MECOM: variants seen among roughly 807,000 people sequenced by gnomAD.
MECOM encodes the protein MDS1 and EVI1 complex locus, also known as histone-lysine N-methyltransferase MECOM.
MECOM carries 13 observed loss-of-function variants against 116.3 expected under a neutral mutation model. That is an observed-to-expected ratio of 0.11 (90% CI 0.07 to 0.18). The LOEUF is 0.18. Among genes scored for constraint, MECOM ranks in the 10% least tolerant of loss-of-function variants. MECOM has a pLI of 1.00. For missense variants in MECOM, 1,299 were observed against 1,509.0 expected (o/e 0.86, Z 2.31); for synonymous variants, 528 against 535.2 (o/e 0.99, Z 0.19).
intron 2 of MECOM, among the ~76,000 whole-genome samples, chr3:169,242,647 C>A (rs1414345037): frequency 6.6e-6 from 1 of 151,950 alleles, no homozygotes; most frequent in Non-Finnish European, 1.5e-5. Context: ...TACTGATTGA[C>A]GAAACCAAGA....
At chr3:169,466,613 C>T (rs1185365939) in intron 1 of MECOM, among the ~76,000 whole-genome samples, 1 of 152,042 alleles carries the variant, frequency 6.6e-6, no homozygotes, top group African/African-American at 2.4e-5. Flanking sequence ...TTGGTGATTC[C>T]ACTCTTTTTT....
intron 12 of MECOM, among the ~76,000 whole-genome samples, chr3:169,099,737 ATTAC>A (rs1722914727): frequency 1.3e-5 from 2 of 152,318 alleles, no homozygotes; most frequent in African/African-American, 4.8e-5. Flanking sequence ...ACATTATGAT[ATTAC>A]TTAAGTTGTA....
At chr3:169,103,595 A>C (rs1342433693) in intron 10 of MECOM, among the ~76,000 whole-genome samples, 2 of 152,204 alleles carry the variant, frequency 1.3e-5, no homozygotes, top group African/African-American at 4.8e-5. Context: ...AAATTCAAAC[A>C]ACTGGTCAAC....
At chr3:169,270,671 T>C (rs1457164741) in intron 2 of MECOM, among the ~76,000 whole-genome samples, 1 of 152,178 alleles carries the variant, frequency 6.6e-6, no homozygotes, top group African/African-American at 2.4e-5. Flanking sequence ...CTACATTCAG[T>C]AGGGTTTTTG....
intron 1 of MECOM, among the ~76,000 whole-genome samples, chr3:169,413,771 GAGGTTTCGATTGGGCACAGCCCACCTC>G (rs1392171053): frequency 6.6e-6 from 1 of 152,172 alleles, no homozygotes; most frequent in Non-Finnish European, 1.5e-5. Flanking sequence ...AAGCCACCAG[GAGGTTTCGATTGGGCACAGCCCACCTC>G]AGTGCAGCAA....
At chr3:169,185,014 G>A (rs892941753) in intron 2 of MECOM, among the ~76,000 whole-genome samples, 16 of 152,206 alleles carry the variant, frequency 1.1e-4, no homozygotes, top group African/African-American at 3.9e-4. Flanking sequence ...TAAGGTAGAT[G>A]GTGAGCCTAT....
chr3:169,324,668 T>G lies in MECOM; in HGVS notation c.375+56519A>C, dbSNP rs112049031. On this transcript the variant is annotated intron_variant, in intron 2 of 16. Transcript: ENST00000651503. Reference sequence around the variant, plus strand: ...TCGGATTCTCCCTCCTCTGGTTCACTGTCTTCCGTGTCACCTTATTCTGTC... The same window carrying G: ...TCGGATTCTCCCTCCTCTGGTTCACGGTCTTCCGTGTCACCTTATTCTGTC... Among the ~76,000 whole-genome samples the G allele has an allele frequency of 4.2e-3, 641 of 152,352 alleles. 5 individuals are homozygous for G. Among genetic ancestry groups the G allele is most frequent in the African/African-American group, 0.014 (590 of 41,582 alleles).
At chr3:169,160,344 G>A (rs539725761) in intron 2 of MECOM, among the ~76,000 whole-genome samples, 4 of 151,666 alleles carry the variant, frequency 2.6e-5, no homozygotes, top group African/African-American at 2.4e-5. Flanking sequence ...TCAAAATTAC[G>A]CTAGAAATGA....
chr3:169,661,123 G>T (rs950585325), intron 1 of MECOM, among the ~76,000 whole-genome samples: 3 of 152,218 alleles, frequency 2.0e-5, no homozygotes, highest in African/African-American at 7.2e-5. Flanking sequence ...CGTATGTCTT[G>T]CTTGGCAATT....
chr3:169,397,257 T>G (rs981457583), intron 1 of MECOM, among the ~76,000 whole-genome samples: 1 of 152,184 alleles, frequency 6.6e-6, no homozygotes, highest in Non-Finnish European at 1.5e-5. Context: ...GATGAGCTAA[T>G]TCCGCAACAC....
intron 8 of MECOM, among the ~76,000 whole-genome samples, chr3:169,113,959 A>T (rs912061104): frequency 2.6e-5 from 4 of 152,044 alleles, no homozygotes; most frequent in African/African-American, 9.7e-5. Context: ...CTTAATTGAG[A>T]CAAGCACCAG....
intron 2 of MECOM, among the ~76,000 whole-genome samples, chr3:169,355,163 G>A (rs536626927): frequency 2.6e-5 from 4 of 152,050 alleles, no homozygotes; most frequent in Non-Finnish European, 5.9e-5. Context: ...GCATGAGTGC[G>A]ATTAGCAGCG....
chr3:169,512,226 T>G (rs946437927), intron 1 of MECOM, among the ~76,000 whole-genome samples: 3 of 152,182 alleles, frequency 2.0e-5, no homozygotes, highest in Non-Finnish European at 4.4e-5. Flanking sequence ...AGCTCCTCCC[T>G]CATCCCCCAA....
intron 1 of MECOM, among the ~76,000 whole-genome samples, chr3:169,442,392 TGC>T (rs900951100): frequency 6.6e-6 from 1 of 152,240 alleles, no homozygotes; most frequent in African/African-American, 2.4e-5. Context: ...AACTTCTATA[TGC>T]CATTAAAGTA....
chr3:169,163,553 G>T (rs1481480057), intron 2 of MECOM, among the ~76,000 whole-genome samples: 1 of 152,088 alleles, frequency 6.6e-6, no homozygotes, highest in Non-Finnish European at 1.5e-5. Context: ...TGACTATAAG[G>T]TGATTATTAT....
At chr3:169,112,569 A>G (rs968949317) in intron 9 of MECOM, among the ~76,000 whole-genome samples, 2 of 152,194 alleles carry the variant, frequency 1.3e-5, no homozygotes, top group South Asian at 4.1e-4. Flanking sequence ...ATAGCAGACA[A>G]TCATTTAACA....
chr3:169,263,110 TATATATATATATATATATG>T lies in MECOM; in HGVS notation c.375+118058_375+118076del, dbSNP rs1284458546. ...ATATATATATATATATATATATATA[TATATATATATATATATATG>T]TTTTTTTTTTTTTTTTTGAGACAGA... On this transcript the variant is annotated intron_variant, in intron 2 of 16. Coordinates refer to ENST00000651503, the MANE Select transcript of MECOM (RefSeq NM_004991.4). Among the ~76,000 whole-genome samples the T allele has an allele frequency of 5.8e-4, 58 of 99,660 alleles. 1 individual carries two copies. The highest frequency in any genetic ancestry group is 1.4e-3 in the East Asian group (5 of 3,620). The allele number at this position is 99,660 out of a possible 152,430, so 65.4% of individuals were successfully genotyped here.
intron 2 of MECOM, among the ~76,000 whole-genome samples, chr3:169,354,917 C>G (rs1031267742): frequency 6.6e-6 from 1 of 151,806 alleles, no homozygotes; most frequent in African/African-American, 2.4e-5. Context: ...GATAGCATCC[C>G]GGCGCAATGA....
chr3:169,165,237 C>G (rs1343886672), intron 2 of MECOM, among the ~76,000 whole-genome samples: 1 of 152,018 alleles, frequency 6.6e-6, no homozygotes, highest in Non-Finnish European at 1.5e-5. Context: ...ATTTCCAAAC[C>G]GTAACTAAGC....
Sources: allele counts gnomAD v4.1 joint callset (sites outside exome capture counted in the v4.1 genomes callset), GRCh38; gene constraint gnomAD v4.1.1; transcripts MANE v1.5; gene names NCBI Gene and HGNC (gene_info 2026-07-23, HGNC 2026-07-21).